FAT2: variants seen among roughly 807,000 people sequenced by gnomAD.
FAT2 encodes FAT atypical cadherin 2, also known as protocadherin Fat 2.
In FAT2, 150 loss-of-function variants were observed where a neutral mutation model predicts 295.3. That is an observed-to-expected ratio of 0.51 (90% confidence interval 0.44 to 0.58). The LOEUF is 0.58. FAT2 is among the 20% of genes least tolerant of loss of function. The probability of loss-of-function intolerance (pLI) is 0.00; values close to 1 mark genes in which losing one functional copy is unlikely to be tolerated. For synonymous variants in FAT2, 2,026 were observed against 2,150.3 expected (o/e 0.94, Z 1.60); for missense variants, 4,868 against 5,442.7 (o/e 0.89, Z 3.32).
Position 151,505,589 on chromosome 5 carries a change from G to A in FAT2, c.13026C>T (p.Gly4342=), listed in dbSNP as rs764919971. The part of the protein sequence containing the change: ...EGSDMVESDY[G]SCEEVMF Reference sequence around the variant, plus strand: ...GCTAGAACATGACCTCCTCACAGCTGCCATAATCACTCTCCACCATGTCAG... The same window carrying A: ...GCTAGAACATGACCTCCTCACAGCTACCATAATCACTCTCCACCATGTCAG... The change falls in exon 24 of 24, where the codon GGC becomes GGT. Residue 4342 remains glycine (G), a synonymous_variant. Coordinates refer to ENST00000261800, the MANE Select transcript of FAT2 (RefSeq NM_001447.3). 2 of 1,614,164 alleles carry A rather than the reference G, an allele frequency of 1.2e-6. No homozygotes were observed. The highest frequency in any genetic ancestry group is 1.7e-6 in the Non-Finnish European group (2 of 1,180,028).
chr5:151,543,631 T>C lies in FAT2; in HGVS notation c.7496A>G (p.Lys2499Arg), dbSNP rs753483141. The C allele has an allele frequency of 6.2e-7, 1 of 1,614,190 alleles. No homozygotes were observed. The highest frequency in any genetic ancestry group is 8.5e-7 in the Non-Finnish European group (1 of 1,180,028). Reference sequence around the variant, plus strand: ...GTCTATGGCTAGCAAATCAATCACCTTGGTTCCAACCATTGCATTCTCTGC... The same window carrying C: ...GTCTATGGCTAGCAAATCAATCACCCTGGTTCCAACCATTGCATTCTCTGC... The part of the protein sequence containing the change: ...ELAENAMVGT[K>R]VIDLLAIDKD... Residue 2499 changes from lysine to arginine, a missense_variant, in exon 10 of 24, where the codon AAG becomes AGG. Physicochemically the swap from Lys to Arg is conservative, Grantham distance 26. Transcript: ENST00000261800.
At chr5:151,557,163 G>A (rs1757772272) in intron 3 of FAT2, among the ~76,000 whole-genome samples, 1 of 152,132 alleles carries the variant, frequency 6.6e-6, no homozygotes, top group Non-Finnish European at 1.5e-5. Flanking sequence ...TGCAGTTTTG[G>A]TTCCTCGTCA....
intron 19 of FAT2, among the ~76,000 whole-genome samples, chr5:151,520,285 C>A (rs1753310542): frequency 6.6e-6 from 1 of 152,220 alleles, no homozygotes; most frequent in Non-Finnish European, 1.5e-5. Context: ...GCCTTAATGC[C>A]AGGGATGCTG....
chr5:151,538,143 G>A (rs1431877290), intron 11 of FAT2, among the ~76,000 whole-genome samples, 197 bp from the exon 12 acceptor site: 1 of 151,934 alleles, frequency 6.6e-6, no homozygotes, highest in African/African-American at 2.4e-5. Flanking sequence ...GAACAGAGGA[G>A]GTAGAATAAG....
In FAT2 at chr5:151,554,497, G is replaced by A. The variant is rs2127630836; in HGVS notation, c.3810C>T (p.Asp1270=). The stretch of plus-strand genomic sequence containing the variant: ...CTCTGCCATTAAGACCCTCATCCAG[G>A]TCTGAAGCCACCAGCCTGTACACAG... ...PGPVYRLVAS[D]LDEGLNGRVT... is the part of the protein sequence containing the mutation. Residue 1270 remains aspartate (D), a synonymous_variant, in exon 5 of 24, where the codon GAC becomes GAT. Transcript: ENST00000261800. 3.1e-6 allele frequency: 5 copies of A among 1,614,178 alleles called. No homozygotes were observed. Among genetic ancestry groups the A allele is most frequent in the Non-Finnish European group, 4.2e-6 (5 of 1,180,022 alleles).
chr5:151,506,517 G>T (rs1760888531), intron 23 of FAT2, among the ~76,000 whole-genome samples: 1 of 152,228 alleles, frequency 6.6e-6, no homozygotes, highest in South Asian at 2.1e-4. Context: ...GATGAAATGA[G>T]ATGTGGCTCG....
At chr5:151,537,429 AGAGGAAAGGAGAGGG>A (rs1274555306) in intron 12 of FAT2, among the ~76,000 whole-genome samples, 17 of 99,244 alleles carry the variant, frequency 1.7e-4, no homozygotes, top group African/African-American at 5.8e-4. Context: ...AAAGGAAAGG[AGAGGAAAGGAGAGGG>A]GAGGGGAGGG....
At chr5:151,510,931 C>T (rs549927627) in intron 21 of FAT2, 1 of 152,658 alleles carries the variant, frequency 6.6e-6, no homozygotes, top group African/African-American at 2.4e-5. Flanking sequence ...AGAGTTTGAA[C>T]TATGGCCTGG....
intron 1 of FAT2, among the ~76,000 whole-genome samples, chr5:151,569,403 C>T (rs866219865): frequency 2.0e-5 from 3 of 152,222 alleles, no homozygotes; most frequent in East Asian, 1.9e-4. Flanking sequence ...TTCACTATCA[C>T]GAGAACAGCA....
chr5:151,545,910 A>G lies in FAT2; in HGVS notation c.5217T>C (p.Phe1739=), dbSNP rs765805049. 9 of 1,614,218 alleles carry G rather than the reference A, an allele frequency of 5.6e-6. No individual in the cohort carries two copies. Among genetic ancestry groups the G allele is most frequent in the Non-Finnish European group, 7.6e-6 (9 of 1,180,030 alleles). The stretch of plus-strand genomic sequence containing the variant: ...TGTCAACCACCACCATGACATCAGT[A>G]AATGCACCTGCCATATTGCTGCCTC... ...KIRGSNMAGA[F]TDVMVVVDII... Residue 1739 remains phenylalanine (F), a synonymous_variant, in exon 10 of 24, where the codon TTT becomes TTC. Coordinates refer to ENST00000261800, the MANE Select transcript of FAT2 (RefSeq NM_001447.3).
chr5:151,521,854 A>G lies in FAT2; in HGVS notation c.10739T>C (p.Val3580Ala), dbSNP rs1753496012. 1 of 1,614,128 alleles carries G rather than the reference A, an allele frequency of 6.2e-7. No individual in the cohort carries two copies. Among genetic ancestry groups the G allele is most frequent in the African/African-American group, 1.3e-5 (1 of 75,042 alleles). ...GATAATCTTGCCATCAGGCGCACCCACTGAGAAGTGCCTGCCCAGGGTCTC... is the reference window on the plus strand; with the variant it reads ...GATAATCTTGCCATCAGGCGCACCCGCTGAGAAGTGCCTGCCCAGGGTCTC... ...EEETLGRHFSVGAPDGKIIAA... is the reference protein window; with the variant it reads ...EEETLGRHFSAGAPDGKIIAA... Residue 3580 changes from valine to alanine, a missense_variant, in exon 19 of 24, where the codon GTG becomes GCG. Physicochemically the swap from Val to Ala is moderately conservative, Grantham distance 64. Around this residue, in one of 5 missense-constraint regions of FAT2, gnomAD observed 1,046 missense variants for 1,210.1 expected, o/e 0.86. Transcript: ENST00000261800.
At chr5:151,565,531 C>T (rs35504977) in intron 2 of FAT2, 142 bp downstream of exon 2, 1 of 779,246 alleles carries the variant, frequency 1.3e-6, no homozygotes, top group Non-Finnish European at 1.9e-6. Context: ...ATAAAATACA[C>T]AGGAAAAAGA....
intron 1 of FAT2, among the ~76,000 whole-genome samples, chr5:151,586,597 T>C (rs1227803171): frequency 6.6e-6 from 1 of 152,208 alleles, no homozygotes. Flanking sequence ...TTTCCTTAAA[T>C]TGGTGTTCTA....
In FAT2 at chr5:151,528,126, G is replaced by A. The variant is rs1203648027; in HGVS notation, c.10034C>T (p.Ala3345Val). Reference sequence around the variant, plus strand: ...ATTTAGGGGTCCATCTTCATCAGTCGCTGATACCTGCGGTGGGGTAGGGGG... The same window carrying A: ...ATTTAGGGGTCCATCTTCATCAGTCACTGATACCTGCGGTGGGGTAGGGGG... ...LVGDVILTVSATDEDGPLNSD... is the reference protein window; with the variant it reads ...LVGDVILTVSVTDEDGPLNSD... Residue 3345 changes from alanine (A) to valine (V), a missense_variant, in exon 16 of 24, where the codon GCG becomes GTG. Transcript: ENST00000261800. 9.9e-6 allele frequency: 16 copies of A among 1,613,726 alleles called. No homozygotes were observed. The highest frequency in any genetic ancestry group is 1.7e-5 in the Admixed American group (1 of 59,970).
upstream of FAT2, among the ~76,000 whole-genome samples, chr5:151,592,383 G>A (rs893088859): frequency 6.6e-6 from 1 of 152,112 alleles, no homozygotes; most frequent in Non-Finnish European, 1.5e-5. Context: ...AATCGCTCCT[G>A]CCCCACAAAA....
chr5:151,559,089 T>TG (rs1389691319), intron 3 of FAT2, among the ~76,000 whole-genome samples: 2 of 152,176 alleles, frequency 1.3e-5, no homozygotes, highest in Admixed American at 6.5e-5. Flanking sequence ...AGAGTTTCCC[T>TG]GGGGGGCTCA....
intron 21 of FAT2, chr5:151,511,605 G>A (rs940042181): frequency 4.5e-5 from 7 of 155,700 alleles, no homozygotes; most frequent in Admixed American, 1.2e-4. Flanking sequence ...ATGTGAGTGC[G>A]TGTACATCAT....
intron 23 of FAT2, 86 bp downstream of exon 23, chr5:151,507,068 A>G: frequency 8.1e-7 from 1 of 1,234,242 alleles, no homozygotes; most frequent in East Asian, 2.3e-5. Context: ...GTAGCTAAAA[A>G]TGCCTGTGCC....
At chr5:151,552,110 C>T in intron 6 of FAT2, among the ~76,000 whole-genome samples, 1 of 151,064 alleles carries the variant, frequency 6.6e-6, no homozygotes, top group Non-Finnish European at 1.5e-5. Flanking sequence ...TTCTTCTCTG[C>T]ATTCATTTGT....
Sources: gnomAD v4.1 joint callset for allele counts (sites outside exome capture counted in the v4.1 genomes callset) on GRCh38, gnomAD v4.1.1 for gene constraint, gnomAD v4.1.1 regional missense constraint, MANE v1.5 for transcripts, NCBI Gene and HGNC (gene_info 2026-07-23, HGNC 2026-07-21) for gene names.